Variants in LY6K observed in about 807,000 individuals in gnomAD.
LY6K encodes the protein lymphocyte antigen 6 family member K.
LY6K carries 9 observed loss-of-function variants against 10.4 expected under a neutral mutation model. The observed-to-expected ratio is 0.87, with a 90% CI of 0.52 to 1.52. The LOEUF (loss-of-function observed/expected upper bound fraction) is 1.52. Ranked by LOEUF, LY6K falls within the 40% of genes most tolerant of loss-of-function variation. LY6K has a pLI of 0.00. For missense variants in LY6K, 217 were observed against 211.7 expected, an observed-to-expected ratio of 1.02 and a Z score of -0.15; for synonymous variants, 98 against 83.7, an observed-to-expected ratio of 1.17 and a Z score of -0.94.
At position 142,703,387 on chromosome 8, in the gene LY6K, C is replaced by T. The variant is rs1554640515; in HGVS notation, c.*16C>T. Reference sequence around the variant, plus strand: ...CCTGTCTTGAGCCACGGGACTGCCACAGACTGAGCCTTCCGGAGCATGGAC... The same window carrying T: ...CCTGTCTTGAGCCACGGGACTGCCATAGACTGAGCCTTCCGGAGCATGGAC... On this transcript the variant is annotated 3_prime_UTR_variant, in exon 3 of 3. Coordinates refer to ENST00000292430, the MANE Select transcript of LY6K (RefSeq NM_017527.4). 2 of 1,598,602 alleles carry T rather than the reference C, an allele frequency of 1.3e-6. No homozygotes were observed. The highest frequency in any genetic ancestry group is 1.1e-5 in the South Asian group (1 of 90,432).
At position 142,704,227 on chromosome 8, in the gene LY6K, A is replaced by G. The variant is rs1815143270; in HGVS notation, c.*856A>G. 1 of 152,264 alleles carries G rather than the reference A, an allele frequency of 6.6e-6. No homozygotes were observed. The highest frequency in any genetic ancestry group is 1.9e-4 in the East Asian group (1 of 5,200). 9.4% of individuals were successfully genotyped at this position (152,264 alleles called of 1,614,324 possible). A position where few individuals can be genotyped will look rare whatever the true frequency, so the allele number is the denominator to read the frequency against. ...TTATTTCTCAGCATGAGCTCCATCAAGGTCGAGACGCTTCTGCAAGTAATG... is the reference window on the plus strand; with the variant it reads ...TTATTTCTCAGCATGAGCTCCATCAGGGTCGAGACGCTTCTGCAAGTAATG... On this transcript the variant is annotated 3_prime_UTR_variant, in exon 3 of 3. Transcript: ENST00000292430.
Position 142,700,518 on chromosome 8 carries a change from G to A in LY6K, c.-10G>A. The A allele has an allele frequency of 6.4e-7, 1 of 1,571,840 alleles. No homozygotes were observed. Among genetic ancestry groups the A allele is most frequent in the East Asian group, 2.4e-5 (1 of 40,986 alleles). ...CGCGCGCTGACCCTCCCTGGGCACC[G>A]CTGGGGACGATGGCGCTGCTCGCCT... On this transcript the variant is annotated 5_prime_UTR_variant, in exon 1 of 3. Coordinates refer to ENST00000292430, the MANE Select transcript of LY6K (RefSeq NM_017527.4).
intron 2 of LY6K, chr8:142,702,349 G>A (rs1341918604): frequency 2.8e-5 from 19 of 689,212 alleles, no homozygotes; most frequent in Non-Finnish European, 4.5e-5. Flanking sequence ...AAACCAAGGT[G>A]TACAGCCTTC....
At chr8:142,701,942 T>TCACTCAGAATGTAAAGAAGTCCG in intron 2 of LY6K, 1 of 461,306 alleles carries the variant, frequency 2.2e-6, no homozygotes. Context: ...CCAGAGTAGC[T>TCACTCAGAATGTAAAGAAGTCCG]GGTATTATGG....
In LY6K at chr8:142,701,694, C is replaced by G. The variant is rs782556701; in HGVS notation, c.198C>G (p.Tyr66Ter). 1 of 1,613,390 alleles carries G rather than the reference C, an allele frequency of 6.2e-7. No homozygotes were observed. Among genetic ancestry groups the G allele is most frequent in the Non-Finnish European group, 8.5e-7 (1 of 1,179,424 alleles). The part of the protein sequence containing the change: ...NPRRCKWTEP[Y>*]CVIAAVKIFP... ...GGAGGTGCAAATGGACAGAGCCATA[C>G]TGCGTTATAGCGGCCGTGAGTGAGT... Residue 66 changes from tyrosine (Y) to a stop codon, truncating the protein, a stop_gained, in exon 2 of 3, where the codon TAC becomes TAG. Coordinates refer to ENST00000292430, the MANE Select transcript of LY6K (RefSeq NM_017527.4). LOFTEE classifies it low-confidence loss of function (END_TRUNC).
At position 142,701,610 on chromosome 8, in the gene LY6K, C is replaced by A. The variant is rs368217102; in HGVS notation, c.114C>A (p.Asp38Glu). The change falls in exon 2 of 3, where the codon GAC becomes GAA. Residue 38 changes from aspartate (D) to glutamate (E), a missense_variant. Transcript: ENST00000292430. ...TATTCCTCCTTTCAGACGAGGGTGACAATAGAGTGTGGTGTCATGTTTGTG... is the reference window on the plus strand; with the variant it reads ...TATTCCTCCTTTCAGACGAGGGTGAAAATAGAGTGTGGTGTCATGTTTGTG... ...PEDSQRTDEG[D>E]NRVWCHVCER... 51 of 1,609,028 alleles carry A rather than the reference C, an allele frequency of 3.2e-5. No homozygotes were observed. Among genetic ancestry groups the A allele is most frequent in the Non-Finnish European group, 4.0e-5 (47 of 1,175,550 alleles).
intron 1 of LY6K, 133 bp downstream of exon 1, chr8:142,700,763 G>A (rs1010987713): frequency 1.4e-5 from 14 of 977,222 alleles, no homozygotes; most frequent in Non-Finnish European, 1.9e-5. Flanking sequence ...GCGCCTGGAA[G>A]CCTCTGGGGA....
At chr8:142,700,803 G>A (rs1339947804) in intron 1 of LY6K, among the ~76,000 whole-genome samples, 173 bp downstream of exon 1, 1 of 152,072 alleles carries the variant, frequency 6.6e-6, no homozygotes. Context: ...CCACCAGGGC[G>A]GCGGGGCAGC....
chr8:142,703,637 G>A lies in LY6K; in HGVS notation c.*266G>A, dbSNP rs1435377981. On this transcript the variant is annotated 3_prime_UTR_variant, in exon 3 of 3. Coordinates refer to ENST00000292430, the MANE Select transcript of LY6K (RefSeq NM_017527.4). ...AATCAAACCTTGTAACTCATTTATTGCTGATGGCCACTCTTTTCCTTGACT... is the reference window on the plus strand; with the variant it reads ...AATCAAACCTTGTAACTCATTTATTACTGATGGCCACTCTTTTCCTTGACT... 4.2e-6 allele frequency: 2 copies of A among 475,554 alleles called. No individual in the cohort carries two copies. The highest frequency in any genetic ancestry group is 3.9e-5 in the African/African-American group (2 of 51,690). 29.5% of individuals were successfully genotyped at this position (475,554 alleles called of 1,614,324 possible).
Position 142,700,482 on chromosome 8 carries a change from G to A in LY6K, c.-46G>A. 2 of 1,539,986 alleles carry A rather than the reference G, an allele frequency of 1.3e-6. No individual in the cohort carries two copies. Among genetic ancestry groups the A allele is most frequent in the South Asian group, 1.2e-5 (1 of 83,088 alleles). ...GGCTGCGAAGGTTCCAGAAGGGCGG[G>A]GAGGGGGCGCCGCGCGCTGACCCTC... On this transcript the variant is annotated 5_prime_UTR_variant, in exon 1 of 3. Transcript: ENST00000292430.
rs1054502985 is a variant in LY6K at position 142,703,491 on chromosome 8, G to C, written c.*120G>C. On this transcript the variant is annotated 3_prime_UTR_variant, in exon 3 of 3. Coordinates refer to ENST00000292430, the MANE Select transcript of LY6K (RefSeq NM_017527.4). Reference sequence around the variant, plus strand: ...TCTTGGTTTGACTTCCCAGGGTCTTGGGATGGGAGAGTGGGGATCAGGTGC... The same window carrying C: ...TCTTGGTTTGACTTCCCAGGGTCTTCGGATGGGAGAGTGGGGATCAGGTGC... 21 of 1,258,026 alleles carry C rather than the reference G, an allele frequency of 1.7e-5. No individual in the cohort carries two copies. In the African/African-American group the frequency reaches 2.8e-4, roughly 17 times the overall value. The allele number at this position is 1,258,026 out of a possible 1,614,324, so 77.9% of individuals were successfully genotyped here.
At chr8:142,701,225 G>A (rs1307570815) in intron 1 of LY6K, among the ~76,000 whole-genome samples, 1 of 152,212 alleles carries the variant, frequency 6.6e-6, no homozygotes, top group Non-Finnish European at 1.5e-5. Context: ...GGAGGACGGG[G>A]GAGCCCCCAG....
At chr8:142,701,308 T>G (rs923770962) in intron 1 of LY6K, among the ~76,000 whole-genome samples, 2 of 152,174 alleles carry the variant, frequency 1.3e-5, no homozygotes, top group African/African-American at 4.8e-5. Flanking sequence ...GAGGTGGAAT[T>G]GGCTCACAGT....
chr8:142,702,544 C>T, intron 2 of LY6K: 1 of 1,535,622 alleles, frequency 6.5e-7, no homozygotes, highest in East Asian at 2.4e-5. Flanking sequence ...CCAGCAGTCA[C>T]TCTCCAGCCC....
rs188082823 is a variant in LY6K, at chr8:142,704,937, G to A, written c.*1566G>A. The stretch of plus-strand genomic sequence containing the variant: ...CTCAACTTTAATTTCAGTCAGAATT[G>A]TGTAAGCTGAACACCTTGGGATACC... On this transcript the variant is annotated 3_prime_UTR_variant, in exon 3 of 3. Transcript: ENST00000292430. 4.1e-4 allele frequency: 63 copies of A among 152,280 alleles called. No individual in the cohort carries two copies. Among genetic ancestry groups the A allele is most frequent in the Admixed American group, 3.5e-3 (54 of 15,294 alleles). The allele number at this position is 152,280 out of a possible 1,614,324, so 9.4% of individuals were successfully genotyped here. A position where few individuals can be genotyped will look rare whatever the true frequency, so the allele number is the denominator to read the frequency against.
In LY6K at chr8:142,701,656, T is replaced by A. The variant is rs781849653; in HGVS notation, c.160T>A (p.Cys54Ser). ...TTGTGAGAGAGAAAACACTTTCGAG[T>A]GCCAGAACCCAAGGAGGTGCAAATG... ...HVCERENTFE[C>S]QNPRRCKWTE... Residue 54 changes from cysteine to serine, a missense_variant, in exon 2 of 3, where the codon TGC becomes AGC. Coordinates refer to ENST00000292430, the MANE Select transcript of LY6K (RefSeq NM_017527.4). 2 of 1,613,980 alleles carry A rather than the reference T, an allele frequency of 1.2e-6. No homozygotes were observed. Among genetic ancestry groups the A allele is most frequent in the Non-Finnish European group, 1.7e-6 (2 of 1,179,954 alleles).
chr8:142,701,474 C>T (rs1815030340), intron 1 of LY6K, 126 bp from the exon 2 acceptor site: 2 of 672,158 alleles, frequency 3.0e-6, no homozygotes, highest in Non-Finnish European at 5.4e-6. Context: ...CATGTGGCCC[C>T]AGCCACTGCT....
intron 2 of LY6K, chr8:142,702,205 C>T (rs1341585370): frequency 2.8e-5 from 13 of 466,534 alleles, no homozygotes; most frequent in Non-Finnish European, 5.1e-5. Flanking sequence ...TACAGTGGGT[C>T]CAGATGAAAT....
intron 2 of LY6K, chr8:142,702,088 C>T (rs782232060): frequency 3.8e-5 from 11 of 286,244 alleles, no homozygotes; most frequent in Non-Finnish European, 5.3e-5. Context: ...GGATTACAAG[C>T]GTAAGCCACC....
Sources: gnomAD v4.1 joint callset for allele counts (sites outside exome capture counted in the v4.1 genomes callset) on GRCh38, gnomAD v4.1.1 for gene constraint, MANE v1.5 for transcripts, NCBI Gene and HGNC (gene_info 2026-07-23, HGNC 2026-07-21) for gene names.